Variants in TCF4 observed in about 807,000 individuals in gnomAD.
The protein encoded by TCF4 is transcription factor 4, also known as SL3-3 enhancer factor 2.
TCF4 carries 3 observed loss-of-function variants against 82.1 expected under a neutral mutation model. The ratio of observed to expected loss-of-function variants is 0.04; its 90% confidence interval spans 0.02 to 0.09. TCF4 has a LOEUF of 0.09. TCF4 is among the 10% of genes least tolerant of loss of function. TCF4 has a pLI of 1.00. For missense variants in TCF4, 518 were observed against 852.7 expected (o/e 0.61, Z 4.89); for synonymous variants, 276 against 309.6 (o/e 0.89, Z 1.14).
At chr18:55,247,935 CTT>C (rs2145223743) in intron 15 of TCF4, among the ~76,000 whole-genome samples, 1 of 152,236 alleles carries the variant, frequency 6.6e-6, no homozygotes, top group South Asian at 2.1e-4. Flanking sequence ...TGAAAATGGA[CTT>C]TGTGGGCATT....
chr18:55,460,257 C>CT lies in TCF4; in HGVS notation c.304+761dup, dbSNP rs531831328. ...AACTCATGTTTACTAGAACAAAGAT[C>CT]TTTTTTTTTTTCAATCAAAACTAAA... On this transcript the variant is annotated intron_variant, in intron 5 of 19. Transcript: ENST00000354452. Among the ~76,000 whole-genome samples the CT allele has an allele frequency of 1.5e-3, 227 of 147,074 alleles. 2 individuals are homozygous for CT. Among genetic ancestry groups the CT allele is most frequent in the African/African-American group, 4.1e-3 (165 of 40,242 alleles).
At chr18:55,353,972 T>C (rs139469357) in intron 6 of TCF4, among the ~76,000 whole-genome samples, 4 of 152,268 alleles carry the variant, frequency 2.6e-5, no homozygotes, top group African/African-American at 9.6e-5. Context: ...TGCAAGCTCA[T>C]GTTCTGCGGT....
chr18:55,320,150 C>T (rs2075135053), intron 8 of TCF4, among the ~76,000 whole-genome samples: 1 of 150,738 alleles, frequency 6.6e-6, no homozygotes, highest in Non-Finnish European at 1.5e-5. Context: ...AAAGTCTTAT[C>T]TATATATGAG....
chr18:55,354,432 G>C (rs1344103450), intron 6 of TCF4, among the ~76,000 whole-genome samples: 1 of 152,170 alleles, frequency 6.6e-6, no homozygotes, highest in Non-Finnish European at 1.5e-5. Context: ...CTTTTCAGGG[G>C]AGCTTCTTAA....
chr18:55,562,962 A>G lies in TCF4; in HGVS notation c.145+22318T>C, dbSNP rs1247569305. On this transcript the variant is annotated intron_variant, in intron 3 of 19. Transcript: ENST00000354452. ...ACTGGAATAAAAAATGCTTTGGGCC[A>G]GACACAGTAGCTCACACCTGTAATT... 2.0e-5 allele frequency among the ~76,000 whole-genome samples: 3 copies of G among 152,162 alleles called. No homozygotes were observed. In the East Asian group the frequency reaches 5.8e-4, roughly 29 times the overall value.
intron 15 of TCF4, among the ~76,000 whole-genome samples, chr18:55,253,187 T>A (rs2055766970): frequency 6.6e-6 from 1 of 152,242 alleles, no homozygotes; most frequent in South Asian, 2.1e-4. Context: ...AGAATGGTAC[T>A]CTTAATCTTA....
chr18:55,540,227 A>T (rs1482583356), intron 3 of TCF4, among the ~76,000 whole-genome samples: 1 of 152,142 alleles, frequency 6.6e-6, no homozygotes, highest in African/African-American at 2.4e-5. Context: ...CAGCACATTG[A>T]AGAAGCAGAC....
chr18:55,297,617 T>G (rs1314706009), intron 8 of TCF4, among the ~76,000 whole-genome samples: 1 of 152,164 alleles, frequency 6.6e-6, no homozygotes, highest in African/African-American at 2.4e-5. Context: ...CCATTAGGCA[T>G]TGTGCTGGCA....
At chr18:55,231,429 T>G (rs1366687547) in intron 17 of TCF4, 1 of 152,230 alleles carries the variant, frequency 6.6e-6, no homozygotes, top group African/African-American at 2.4e-5. Context: ...GAGGCATACA[T>G]AAGTAAATGT....
Position 55,387,380 on chromosome 18 carries a change from C to T in TCF4, c.369+16074G>A, listed in dbSNP as rs376049343. Among the ~76,000 whole-genome samples, 12 of 152,292 alleles carry T rather than the reference C, an allele frequency of 7.9e-5. No individual in the cohort carries two copies. The East Asian group carries it at 1.2e-3, about 15-fold the overall frequency. On this transcript the variant is annotated intron_variant, in intron 6 of 19. Transcript: ENST00000354452. ...AGGCTCTCTCTAGTTTCATCAGGGA[C>T]GACTGACACCCTACCTTACACACTA...
At chr18:55,365,111 C>A in intron 6 of TCF4, among the ~76,000 whole-genome samples, 1 of 142,978 alleles carries the variant, frequency 7.0e-6, no homozygotes, top group African/African-American at 2.6e-5. Context: ...CGAGATCATG[C>A]CACTGCACTT....
At chr18:55,415,605 A>T (rs188372295) in intron 5 of TCF4, among the ~76,000 whole-genome samples, 34 of 152,312 alleles carry the variant, frequency 2.2e-4, no homozygotes, top group Admixed American at 1.4e-3. Flanking sequence ...AACGTGCTCA[A>T]TTTAGGATCA....
At chr18:55,504,995 G>T (rs950794486) in intron 3 of TCF4, among the ~76,000 whole-genome samples, 1 of 152,144 alleles carries the variant, frequency 6.6e-6, no homozygotes, top group Non-Finnish European at 1.5e-5. Flanking sequence ...ATAGTGCCCA[G>T]TTATCCGTCT....
At chr18:55,480,824 C>T (rs534627131) in intron 3 of TCF4, among the ~76,000 whole-genome samples, 1 of 152,126 alleles carries the variant, frequency 6.6e-6, no homozygotes, top group Non-Finnish European at 1.5e-5. Flanking sequence ...GGCTTATGGG[C>T]CGGGTGCAGT....
At chr18:55,558,886 C>T (rs1004851785) in intron 3 of TCF4, among the ~76,000 whole-genome samples, 2 of 151,824 alleles carry the variant, frequency 1.3e-5, no homozygotes, top group African/African-American at 4.8e-5. Flanking sequence ...AGATTGGTTG[C>T]CTGTGTGACT....
intron 15 of TCF4, among the ~76,000 whole-genome samples, chr18:55,239,936 G>A (rs1172319685): frequency 2.0e-5 from 3 of 152,206 alleles, no homozygotes; most frequent in Non-Finnish European, 4.4e-5. Context: ...ATGGGAAAAT[G>A]TATTAAATTT....
At chr18:55,570,812 C>T (rs767164674) in intron 3 of TCF4, among the ~76,000 whole-genome samples, 23 of 148,986 alleles carry the variant, frequency 1.5e-4, no homozygotes, top group Non-Finnish European at 3.0e-4. Context: ...CCCAGAAAGT[C>T]GAGACCAGAC....
Position 55,243,144 on chromosome 18 carries a change from T to A in TCF4, c.1351-8461A>T, listed in dbSNP as rs868611902. Among the ~76,000 whole-genome samples, 9 of 152,348 alleles carry A rather than the reference T, an allele frequency of 5.9e-5. 1 individual carries two copies. The Middle Eastern group carries it at 0.024, about 403-fold the overall frequency. On this transcript the variant is annotated intron_variant, in intron 15 of 19. Transcript: ENST00000354452. Reference sequence around the variant, plus strand: ...TTAAAGAGCTGACGCTTAACACAACTAAATAATATCCCAAATTTAAGTGAA... The same window carrying A: ...TTAAAGAGCTGACGCTTAACACAACAAAATAATATCCCAAATTTAAGTGAA...
intron 6 of TCF4, among the ~76,000 whole-genome samples, chr18:55,387,389 C>A (rs993234924): frequency 6.6e-6 from 1 of 152,198 alleles, no homozygotes; most frequent in African/African-American, 2.4e-5. Context: ...ACGACTGACA[C>A]CCTACCTTAC....
Sources: gnomAD v4.1 joint callset for allele counts (sites outside exome capture counted in the v4.1 genomes callset) on GRCh38, gnomAD v4.1.1 for gene constraint, MANE v1.5 for transcripts, NCBI Gene and HGNC (gene_info 2026-07-23, HGNC 2026-07-21) for gene names.